MID1: variants seen among roughly 807,000 people sequenced by gnomAD.
MID1 encodes midline 1, also known as E3 ubiquitin-protein ligase Midline-1.
In MID1, 7 loss-of-function variants were observed where a neutral mutation model predicts 40.4. The ratio of observed to expected loss-of-function variants is 0.17; its 90% CI spans 0.10 to 0.33. The LOEUF is 0.33. MID1 is among the 10% of genes least tolerant of loss of function. The pLI is 1.00. For synonymous variants in MID1, 229 were observed against 221.2 expected (o/e 1.04, Z -0.31); for missense variants, 367 against 558.5 (o/e 0.66, Z 3.46).
At chrX:10,542,610 T>TA (rs1434948085) in intron 2 of MID1, among the ~76,000 whole-genome samples, 1 of 112,058 alleles carries the variant, frequency 8.9e-6, no homozygotes, top group East Asian at 2.8e-4. Context: ...AAGCAAAATG[T>TA]AAAAAATGAC....
chrX:10,511,020 A>G (rs1484669481), intron 3 of MID1, among the ~76,000 whole-genome samples: 3 of 109,179 alleles, frequency 2.7e-5, no homozygotes, highest in Non-Finnish European at 5.7e-5. Flanking sequence ...CAAGGCGGGC[A>G]GATCACTTGA....
intron 1 of MID1, among the ~76,000 whole-genome samples, chrX:10,657,988 A>G (rs1200011572): frequency 9.0e-6 from 1 of 111,702 alleles, no homozygotes; most frequent in East Asian, 2.8e-4. Flanking sequence ...CTTTGCTTGT[A>G]CATAGAAATT....
intron 3 of MID1, chrX:10,505,325 T>C (rs1338223006): frequency 1.3e-6 from 1 of 750,337 alleles, no homozygotes; most frequent in Admixed American, 8.8e-5. Context: ...GGCATCAATA[T>C]CACAGCCTTT....
chrX:10,498,341 G>A (rs902784371), intron 3 of MID1, among the ~76,000 whole-genome samples: 8 of 112,050 alleles, frequency 7.1e-5, no homozygotes, highest in Non-Finnish European at 7.5e-5. Context: ...TCAAACTCCC[G>A]GGCTCAAGTG....
intron 9 of MID1, among the ~76,000 whole-genome samples, chrX:10,450,101 G>A (rs930534860): frequency 1.2e-4 from 13 of 112,323 alleles, no homozygotes; most frequent in Admixed American, 5.6e-4. Flanking sequence ...TGCTCTCCTC[G>A]ATATGGTAAC....
intron 1 of MID1, among the ~76,000 whole-genome samples, chrX:10,726,496 C>G (rs1428259733): frequency 9.7e-6 from 1 of 102,643 alleles, no homozygotes; most frequent in Non-Finnish European, 1.9e-5. Flanking sequence ...TTGAGTGTTT[C>G]TTTCTCTGAG....
At chrX:10,811,103 CT>C (rs1448060370) in intron 1 of MID1, among the ~76,000 whole-genome samples, 1 of 111,365 alleles carries the variant, frequency 9.0e-6, no homozygotes, top group Non-Finnish European at 1.9e-5. Context: ...TCTGAGGTCA[CT>C]TATGACTCTA....
intron 1 of MID1, among the ~76,000 whole-genome samples, chrX:10,598,495 TAGAA>T (rs1243501815): frequency 8.9e-6 from 1 of 112,099 alleles, no homozygotes; most frequent in Non-Finnish European, 1.9e-5. Context: ...CAGTTGATGT[TAGAA>T]AGGGAGATGA....
intron 1 of MID1, among the ~76,000 whole-genome samples, chrX:10,601,901 G>GT (rs61428047): frequency 0.043 from 4,098 of 96,170 alleles, 83 homozygotes; most frequent in African/African-American, 0.075. Flanking sequence ...TTTTGTTTTT[G>GT]TTTTTTTTTT....
intron 1 of MID1, among the ~76,000 whole-genome samples, chrX:10,712,132 C>T (rs189991034): frequency 7.2e-5 from 8 of 111,885 alleles, no homozygotes; most frequent in Admixed American, 1.9e-4. Context: ...GGTAGTCTGA[C>T]ATGAGTAGGG....
chrX:10,521,619 T>G (rs936568146), intron 3 of MID1, among the ~76,000 whole-genome samples: 3 of 111,486 alleles, frequency 2.7e-5, no homozygotes, highest in Non-Finnish European at 5.7e-5. Flanking sequence ...GAAGAGGAAT[T>G]TGAAAATCAC....
At chrX:10,669,596 G>C (rs186460340) in intron 1 of MID1, among the ~76,000 whole-genome samples, 3 of 111,906 alleles carry the variant, frequency 2.7e-5, no homozygotes, top group African/African-American at 6.5e-5. Flanking sequence ...ACATTTAGAA[G>C]GTTCACAGAA....
At chrX:10,728,357 T>A (rs927933277) in intron 1 of MID1, among the ~76,000 whole-genome samples, 1 of 111,667 alleles carries the variant, frequency 9.0e-6, no homozygotes, top group Non-Finnish European at 1.9e-5. Context: ...TCCTTCCACA[T>A]CACACTTCTT....
At chrX:10,719,082 C>G (rs1307826981) in intron 1 of MID1, among the ~76,000 whole-genome samples, 3 of 111,696 alleles carry the variant, frequency 2.7e-5, no homozygotes, top group Non-Finnish European at 3.8e-5. Flanking sequence ...AAAGCCACAG[C>G]CAATATCATA....
rs147909430 is a variant in MID1, at chrX:10,495,587, C to T, written c.861G>A (p.Gly287=). 9.1e-4 allele frequency: 1,080 copies of T among 1,187,515 alleles called. 2 individuals are homozygous for T. In the African/African-American group the frequency reaches 9.9e-3, roughly 11 times the overall value. The change falls in exon 4 of 10, where the codon GGG becomes GGA. Residue 287 remains glycine, a synonymous_variant. Transcript: ENST00000317552. The stretch of plus-strand genomic sequence containing the variant: ...TCTTCTGCCCTAGAAATCATACCTT[C>T]CCTTCTTTGATCTTGGTTCCAATAA... ...RQIIGTKIKE[G]KVMRLRKLAQ...
rs151214576 is a variant in MID1, at chrX:10,507,910, C to T, written c.757-12219G>A. 5.4e-3 allele frequency among the ~76,000 whole-genome samples: 608 copies of T among 112,289 alleles called. 5 individuals carry two copies. Among genetic ancestry groups the T allele is most frequent in the African/African-American group, 0.019 (572 of 30,898 alleles). ...CTTCTCAGCAGCAAGTTTTACTTCT[C>T]TCTCCATTTAAAGTATAGGTGACCA... On this transcript the variant is annotated intron_variant, in intron 3 of 9. Transcript: ENST00000317552.
intron 1 of MID1, among the ~76,000 whole-genome samples, chrX:10,669,712 A>G (rs1266192632): frequency 8.9e-6 from 1 of 112,275 alleles, no homozygotes; most frequent in Non-Finnish European, 1.9e-5. Context: ...TAAATCTCAT[A>G]TTTTTTGCAA....
At chrX:10,831,676 G>T (rs750638607) in intron 1 of MID1, among the ~76,000 whole-genome samples, 3 of 111,714 alleles carry the variant, frequency 2.7e-5, no homozygotes, top group Non-Finnish European at 5.6e-5. Context: ...AGCCGGGGAT[G>T]AGTAGATTCT....
At chrX:10,456,797 G>T (rs890536518) in intron 8 of MID1, among the ~76,000 whole-genome samples, 5 of 111,585 alleles carry the variant, frequency 4.5e-5, no homozygotes, top group African/African-American at 1.6e-4. Context: ...AGACCATGCC[G>T]CTGCGCTCCA....
Sources: allele counts gnomAD v4.1 joint callset (sites outside exome capture counted in the v4.1 genomes callset), GRCh38; gene constraint gnomAD v4.1.1; transcripts MANE v1.5; gene names NCBI Gene and HGNC (gene_info 2026-07-23, HGNC 2026-07-21).